Variants in DCC observed in about 807,000 individuals in gnomAD.
DCC encodes the protein DCC netrin 1 receptor.
In DCC, 58 loss-of-function variants were observed where a neutral mutation model predicts 172.5. The observed-to-expected ratio is 0.34, with a 90% CI of 0.27 to 0.42. The LOEUF is 0.42. DCC is among the 10% of genes least tolerant of loss of function. DCC has a pLI of 1.00. For missense variants in DCC, 1,740 were observed against 1,791.0 expected (o/e 0.97, Z 0.51); for synonymous variants, 709 against 644.5 (o/e 1.10, Z -1.52).
At chr18:53,483,263 A>G (rs1204712775) in intron 25 of DCC, among the ~76,000 whole-genome samples, 1 of 151,874 alleles carries the variant, frequency 6.6e-6, no homozygotes. Context: ...CTTTTCATAA[A>G]ATATCTTTAT....
At chr18:52,527,695 G>A (rs568484533) in intron 1 of DCC, among the ~76,000 whole-genome samples, 40 of 152,176 alleles carry the variant, frequency 2.6e-4, no homozygotes, top group African/African-American at 9.4e-4. Flanking sequence ...TTTTATTTTT[G>A]GATAAACACA....
At chr18:52,588,568 A>G (rs1260972304) in intron 1 of DCC, among the ~76,000 whole-genome samples, 1 of 152,232 alleles carries the variant, frequency 6.6e-6, no homozygotes. Flanking sequence ...GAATGAACAC[A>G]TAATTAGTGC....
chr18:53,439,021 C>G (rs183992132), intron 22 of DCC, among the ~76,000 whole-genome samples: 1 of 152,142 alleles, frequency 6.6e-6, no homozygotes, highest in Non-Finnish European at 1.5e-5. Context: ...AGATGAATAA[C>G]GTATCTGAAA....
At chr18:53,133,838 C>A (rs1035873392) in intron 7 of DCC, among the ~76,000 whole-genome samples, 2 of 152,014 alleles carry the variant, frequency 1.3e-5, no homozygotes, top group Non-Finnish European at 2.9e-5. Flanking sequence ...GGAGATACAA[C>A]AATAATGCCA....
chr18:53,086,299 TTTC>T lies in DCC; in HGVS notation c.1261+20155_1261+20157del, dbSNP rs749573944. 3.3e-3 allele frequency among the ~76,000 whole-genome samples: 120 copies of T among 36,388 alleles called. 30 individuals carry two copies. Among genetic ancestry groups the T allele is most frequent in the Middle Eastern group, 0.013 (1 of 80 alleles). The allele number at this position is 36,388 out of a possible 152,430, so 23.9% of individuals were successfully genotyped here. A position where few individuals can be genotyped will look rare whatever the true frequency, so the allele number is the denominator to read the frequency against. On this transcript the variant is annotated intron_variant, in intron 7 of 28. Transcript: ENST00000442544. ...CCTTTCTTCTTCTTCTTCTTCTTCC[TTTC>T]TTCTTCTTCTTCTTCTTCTTCCTTT...
intron 1 of DCC, among the ~76,000 whole-genome samples, chr18:52,405,549 C>CGTGA (rs1433382722): frequency 6.6e-6 from 1 of 151,320 alleles, no homozygotes; most frequent in African/African-American, 2.4e-5. Flanking sequence ...AGAGCCGAAT[C>CGTGA]GTGAGTGAAC....
chr18:53,128,895 ATATATATATTAT>A (rs2043610654), intron 7 of DCC, among the ~76,000 whole-genome samples: 1 of 108,070 alleles, frequency 9.3e-6, no homozygotes, highest in South Asian at 3.7e-4. Flanking sequence ...ATATATATAT[ATATATATATTAT>A]TTGGAGTCTT....
chr18:52,790,626 A>AAAC (rs2037743936), intron 2 of DCC, among the ~76,000 whole-genome samples: 1 of 152,166 alleles, frequency 6.6e-6, no homozygotes, highest in Admixed American at 6.5e-5. Context: ...ACACCATACA[A>AAAC]AAGTCTGGGA....
intron 1 of DCC, among the ~76,000 whole-genome samples, chr18:52,348,800 G>A (rs755028055): frequency 3.3e-5 from 5 of 152,132 alleles, no homozygotes; most frequent in Non-Finnish European, 5.9e-5. Context: ...TTCCCAAAAT[G>A]TACACTGATT....
chr18:52,383,490 T>C (rs534940780), intron 1 of DCC, among the ~76,000 whole-genome samples: 15 of 152,220 alleles, frequency 9.9e-5, no homozygotes, highest in Non-Finnish European at 1.6e-4. Flanking sequence ...GAATGTTATA[T>C]GGTATAGCTT....
intron 5 of DCC, among the ~76,000 whole-genome samples, chr18:53,023,617 GGCAAAACTATATTTGAGAGAT>G (rs2041916244): frequency 6.6e-6 from 1 of 151,994 alleles, no homozygotes; most frequent in Admixed American, 6.6e-5. Flanking sequence ...CCTGTCGCCA[GGCAAAACTATATTTGAGAGAT>G]GCTTCTTCAT....
intron 1 of DCC, among the ~76,000 whole-genome samples, chr18:52,691,862 T>A (rs926047467): frequency 2.6e-5 from 4 of 152,200 alleles, no homozygotes; most frequent in Admixed American, 1.3e-4. Context: ...CAAATGTTAA[T>A]TTGACCTGAA....
intron 20 of DCC, among the ~76,000 whole-genome samples, chr18:53,415,160 T>C (rs1234947308): frequency 6.6e-6 from 1 of 152,204 alleles, no homozygotes; most frequent in African/African-American, 2.4e-5. Flanking sequence ...CAAATGATGA[T>C]TGATTTGCTA....
intron 12 of DCC, among the ~76,000 whole-genome samples, chr18:53,224,504 T>C (rs2055994419): frequency 6.6e-6 from 1 of 152,124 alleles, no homozygotes; most frequent in Non-Finnish European, 1.5e-5. Context: ...AGAATTACAC[T>C]GACTACTGTG....
At chr18:52,720,310 C>T (rs2036453425) in intron 1 of DCC, among the ~76,000 whole-genome samples, 1 of 152,146 alleles carries the variant, frequency 6.6e-6, no homozygotes. Flanking sequence ...GGGGGTTTTA[C>T]TTGAGTTCTA....
At chr18:52,872,881 T>A (rs894352887) in intron 2 of DCC, among the ~76,000 whole-genome samples, 1 of 152,230 alleles carries the variant, frequency 6.6e-6, no homozygotes, top group Non-Finnish European at 1.5e-5. Context: ...ATTTTATTAT[T>A]TCTTTGCCCT....
chr18:52,848,084 T>TG (rs2038922976), intron 2 of DCC, among the ~76,000 whole-genome samples: 1 of 68,556 alleles, frequency 1.5e-5, no homozygotes. Flanking sequence ...CTTTTCTAAT[T>TG]TTTTTTTTTT....
chr18:52,876,999 A>G (rs947325912), intron 2 of DCC, among the ~76,000 whole-genome samples: 3 of 152,180 alleles, frequency 2.0e-5, no homozygotes, highest in African/African-American at 7.2e-5. Flanking sequence ...TTTTAATATA[A>G]TTGTGTCTAA....
intron 2 of DCC, among the ~76,000 whole-genome samples, chr18:52,902,688 T>TTA (rs140006472): frequency 2.9e-3 from 438 of 152,342 alleles, no homozygotes; most frequent in African/African-American, 9.7e-3. Flanking sequence ...TCTTCTTCTT[T>TTA]TAAGACTGTT....
Sources: allele counts gnomAD v4.1 joint callset (sites outside exome capture counted in the v4.1 genomes callset), GRCh38; gene constraint gnomAD v4.1.1; transcripts MANE v1.5; gene names NCBI Gene and HGNC (gene_info 2026-07-23, HGNC 2026-07-21).